UBE2QL1: variants seen among roughly 807,000 people sequenced by gnomAD.
UBE2QL1 encodes the protein ubiquitin conjugating enzyme E2 QL1.
Under a neutral mutation model 12.6 loss-of-function variants are expected in UBE2QL1, and 5 were observed. The observed-to-expected ratio is 0.40, with a 90% confidence interval of 0.21 to 0.83. The LOEUF (loss-of-function observed/expected upper bound fraction) is 0.83, where lower values mean the gene tolerates loss of function less well. Among genes scored for constraint, UBE2QL1 ranks in the 40% least tolerant of loss-of-function variants. The pLI is 0.37. For synonymous variants in UBE2QL1, 96 were observed against 94.5 expected, an observed-to-expected ratio of 1.02 and a Z score of -0.10; for missense variants, 99 against 222.6, an observed-to-expected ratio of 0.44 and a Z score of 3.53.
chr5:6,464,000 T>G (rs1252878336), intron 1 of UBE2QL1, among the ~76,000 whole-genome samples: 1 of 151,726 alleles, frequency 6.6e-6, no homozygotes. Flanking sequence ...GAGACAGAGT[T>G]TCACTCTTTT....
chr5:6,481,344 G>C lies in UBE2QL1; in HGVS notation c.355-9874G>C, dbSNP rs902152282. On this transcript the variant is annotated intron_variant, in intron 1 of 1. Transcript: ENST00000399816. The surrounding 1 kb of genome is among the most constrained non-coding windows in gnomAD (Gnocchi z 4.5). ...CACCACCTCCATCCCATCTCGCCTTGCACGCCAGGTGCTCATTATCCCCAT... is the reference window on the plus strand; with the variant it reads ...CACCACCTCCATCCCATCTCGCCTTCCACGCCAGGTGCTCATTATCCCCAT... Among the ~76,000 whole-genome samples, 9 of 152,218 alleles carry C rather than the reference G, an allele frequency of 5.9e-5. No individual in the cohort carries two copies. Among genetic ancestry groups the C allele is most frequent in the African/African-American group, 2.2e-4 (9 of 41,454 alleles).
intron 1 of UBE2QL1, among the ~76,000 whole-genome samples, chr5:6,472,765 A>G (rs1016566636): frequency 2.0e-5 from 3 of 152,122 alleles, no homozygotes; most frequent in Admixed American, 6.5e-5. Context: ...TTTATTGAGG[A>G]AAAAAAGCCC....
intron 1 of UBE2QL1, among the ~76,000 whole-genome samples, chr5:6,458,604 T>TC (rs1739584089): frequency 6.6e-6 from 1 of 151,952 alleles, no homozygotes; most frequent in Admixed American, 6.6e-5. Flanking sequence ...CCATATTGCT[T>TC]CCCGTAAGAT....
intron 1 of UBE2QL1, among the ~76,000 whole-genome samples, chr5:6,489,454 T>A (rs966230781): frequency 6.6e-6 from 1 of 151,172 alleles, no homozygotes; most frequent in Non-Finnish European, 1.5e-5. Flanking sequence ...AAAAATTTTT[T>A]AAAAAAGGAA....
chr5:6,489,568 T>C (rs1734526468), intron 1 of UBE2QL1, among the ~76,000 whole-genome samples: 2 of 152,224 alleles, frequency 1.3e-5, no homozygotes, highest in Non-Finnish European at 1.5e-5. Flanking sequence ...CAACTATGGA[T>C]TGGCCTGTGT....
Position 6,473,681 on chromosome 5 carries a change from C to G in UBE2QL1, c.355-17537C>G, listed in dbSNP as rs147690621. Among the ~76,000 whole-genome samples the G allele has an allele frequency of 6.3e-3, 962 of 152,304 alleles. 8 individuals carry two copies. Among genetic ancestry groups the G allele is most frequent in the African/African-American group, 0.022 (934 of 41,558 alleles). Reference sequence around the variant, plus strand: ...AATGAGGTCAACAGAAAGTCACATCCCAGTGACGCAGAAAACCTCAGTACC... The same window carrying G: ...AATGAGGTCAACAGAAAGTCACATCGCAGTGACGCAGAAAACCTCAGTACC... On this transcript the variant is annotated intron_variant, in intron 1 of 1. Transcript: ENST00000399816.
At chr5:6,467,677 T>G (rs1161983247) in intron 1 of UBE2QL1, among the ~76,000 whole-genome samples, 1 of 151,980 alleles carries the variant, frequency 6.6e-6, no homozygotes, top group Non-Finnish European at 1.5e-5. Context: ...TGTTCATTTG[T>G]CTTCTTTCCT....
chr5:6,472,204 G>A (rs184247002), intron 1 of UBE2QL1, among the ~76,000 whole-genome samples: 3 of 152,222 alleles, frequency 2.0e-5, no homozygotes. Flanking sequence ...ATTTTTCCAA[G>A]ATGTGAATTG....
chr5:6,483,710 AT>A (rs2126368213), intron 1 of UBE2QL1, among the ~76,000 whole-genome samples: 1 of 152,340 alleles, frequency 6.6e-6, no homozygotes, highest in South Asian at 2.1e-4. Context: ...GAAACTACAT[AT>A]CTCTATCAAA....
chr5:6,485,940 C>T (rs1734459916), intron 1 of UBE2QL1, among the ~76,000 whole-genome samples: 1 of 152,126 alleles, frequency 6.6e-6, no homozygotes, highest in African/African-American at 2.4e-5. Flanking sequence ...ATTTTTGTGA[C>T]TGAATACGTC....
rs78542833 is a variant in UBE2QL1 at position 6,458,087 on chromosome 5, A to G, written c.354+8840A>G. On this transcript the variant is annotated intron_variant, in intron 1 of 1. Transcript: ENST00000399816. ...TTATTTATTTTGTATATGAAAGGGA[A>G]AGGCATTTTAGAGATTCTGAAAATA... 2.3e-3 allele frequency among the ~76,000 whole-genome samples: 356 copies of G among 152,376 alleles called. 2 individuals are homozygous for G. Among genetic ancestry groups the G allele is most frequent in the African/African-American group, 8.1e-3 (337 of 41,588 alleles).
At chr5:6,469,093 G>T (rs1739854942) in intron 1 of UBE2QL1, among the ~76,000 whole-genome samples, 1 of 152,164 alleles carries the variant, frequency 6.6e-6, no homozygotes, top group Non-Finnish European at 1.5e-5. Flanking sequence ...TGCCTCCTTG[G>T]AATCTTGAAC....
chr5:6,488,910 A>G (rs1391697677), intron 1 of UBE2QL1, among the ~76,000 whole-genome samples: 1 of 152,186 alleles, frequency 6.6e-6, no homozygotes, highest in Non-Finnish European at 1.5e-5. Flanking sequence ...TCAGCCCACA[A>G]TTATGATGAT....
chr5:6,449,132 A>G lies in UBE2QL1; in HGVS notation c.239A>G (p.Tyr80Cys). 6.5e-7 allele frequency: 1 copy of G among 1,545,680 alleles called. No individual in the cohort carries two copies. The highest frequency in any genetic ancestry group is 8.7e-7 in the Non-Finnish European group (1 of 1,144,490). Reference sequence around the variant, plus strand: ...CTCAGCCCGCGCCTGGAGAACGGCTACGTGCTGGACGGCGGCGCCATCTGC... The same window carrying G: ...CTCAGCCCGCGCCTGGAGAACGGCTGCGTGCTGGACGGCGGCGCCATCTGC... ...RVLSPRLENG[Y>C]VLDGGAICME... is the part of the protein sequence containing the mutation. Residue 80 changes from tyrosine to cysteine, a missense_variant, in exon 1 of 2, where the codon TAC (tyrosine) becomes TGC (cysteine). Coordinates refer to ENST00000399816, the MANE Select transcript of UBE2QL1 (RefSeq NM_001145161.3).
At chr5:6,475,196 G>A (rs756199482) in intron 1 of UBE2QL1, among the ~76,000 whole-genome samples, 1 of 152,158 alleles carries the variant, frequency 6.6e-6, no homozygotes, top group Non-Finnish European at 1.5e-5. Flanking sequence ...ATCTCCCAAA[G>A]TAATGACCTA....
rs1734287700 is a variant in UBE2QL1, at chr5:6,478,659, C to G, written c.355-12559C>G. Among the ~76,000 whole-genome samples the G allele has an allele frequency of 6.6e-6, 1 of 151,680 alleles. No individual in the cohort carries two copies. Among genetic ancestry groups the G allele is most frequent in the African/African-American group, 2.4e-5 (1 of 41,254 alleles). ...TTGGACTTTAACAGCATCGCCGTACCTACTATCTGTGCTGAGAGAACTGTT... is the reference window on the plus strand; with the variant it reads ...TTGGACTTTAACAGCATCGCCGTACGTACTATCTGTGCTGAGAGAACTGTT... On this transcript the variant is annotated intron_variant, in intron 1 of 1. Transcript: ENST00000399816. This position sits in a 1 kb window ranked among gnomAD's most constrained non-coding sequence, Gnocchi z 4.5.
chr5:6,488,376 G>A (rs1041585442), intron 1 of UBE2QL1, among the ~76,000 whole-genome samples: 5 of 151,564 alleles, frequency 3.3e-5, no homozygotes, highest in African/African-American at 1.2e-4. Flanking sequence ...GCTACCTTTA[G>A]TTCAGGATTT....
intron 1 of UBE2QL1, among the ~76,000 whole-genome samples, chr5:6,472,169 G>A (rs1739925990): frequency 6.6e-6 from 1 of 152,116 alleles, no homozygotes; most frequent in Non-Finnish European, 1.5e-5. Flanking sequence ...GTGTGTGTCT[G>A]GCCCATTGCT....
chr5:6,478,254 A>G lies in UBE2QL1; in HGVS notation c.355-12964A>G, dbSNP rs548454244. 6.6e-6 allele frequency among the ~76,000 whole-genome samples: 1 copy of G among 152,252 alleles called. No homozygotes were observed. Among genetic ancestry groups the G allele is most frequent in the South Asian group, 2.1e-4 (1 of 4,828 alleles). On this transcript the variant is annotated intron_variant, in intron 1 of 1. Coordinates refer to ENST00000399816, the MANE Select transcript of UBE2QL1 (RefSeq NM_001145161.3). The surrounding 1 kb of genome is among the most constrained non-coding windows in gnomAD (Gnocchi z 4.5). ...TTACTTTATTTTTTGACATTGCTGA[A>G]TTTCCTTCTGCATTGTGAAACTCTA...
Sources: gnomAD v4.1 joint callset for allele counts (sites outside exome capture counted in the v4.1 genomes callset) on GRCh38, gnomAD v4.1.1 for gene constraint, Gnocchi (gnomAD v3.1) non-coding constraint, MANE v1.5 for transcripts, NCBI Gene and HGNC (gene_info 2026-07-23, HGNC 2026-07-21) for gene names.